ZC3H14: variants seen among roughly 807,000 people sequenced by gnomAD.
The protein encoded by ZC3H14 is zinc finger CCCH-type containing 14, also known as zinc finger CCCH domain-containing protein 14.
In ZC3H14, 31 loss-of-function variants were observed where a neutral mutation model predicts 92.4. That is an observed-to-expected ratio of 0.34 (90% CI 0.25 to 0.45). The LOEUF is 0.45. Among genes scored for constraint, ZC3H14 ranks in the 20% least tolerant of loss-of-function variants. The probability of loss-of-function intolerance (pLI) is 1.00; values close to 1 mark genes in which losing one functional copy is unlikely to be tolerated. For synonymous variants in ZC3H14, 321 were observed against 300.9 expected (o/e 1.07, Z -0.69); for missense variants, 781 against 897.3 (o/e 0.87, Z 1.66).
intron 9 of ZC3H14, among the ~76,000 whole-genome samples, chr14:88,579,669 AC>A (rs1325429340): frequency 3.9e-5 from 6 of 152,206 alleles, no homozygotes; most frequent in African/African-American, 1.4e-4. Flanking sequence ...CACAAAATCA[AC>A]AGAAGAAGGT....
rs754751435 is a variant in ZC3H14, at chr14:88,609,403, GGTGA to G, written c.2005+9_2005+12del. 56 of 1,613,834 alleles carry G rather than the reference GGTGA, an allele frequency of 3.5e-5. 1 individual carries two copies. In the Admixed American group the frequency reaches 3.7e-4, roughly 11 times the overall value. ...AATTCCAGTACTGTCTCCAAAACCA[GGTGA>G]GTGAGTGACTGTGCTACTACATTTG... On this transcript the variant is annotated splice_donor_variant and splice_donor_region_variant and intron_variant, in intron 14 of 16. Coordinates refer to ENST00000251038, the MANE Select transcript of ZC3H14 (RefSeq NM_024824.5). LOFTEE classifies it high-confidence loss of function.
At chr14:88,571,047 C>T (rs1292639159) in intron 3 of ZC3H14, 37 bp from the exon 4 acceptor site, 1 of 1,493,706 alleles carries the variant, frequency 6.7e-7, no homozygotes, top group Non-Finnish European at 9.0e-7. Flanking sequence ...TCTTTCTTAA[C>T]AGAAGGTTTA....
Position 88,612,583 on chromosome 14 carries a change from A to G in ZC3H14, c.*832A>G, listed in dbSNP as rs8008847. 145,202 of 152,720 alleles carry G rather than the reference A, an allele frequency of 0.95. 69,341 individuals are homozygous for G. Among genetic ancestry groups the G allele is most frequent in the Non-Finnish European group, 1 (67,735 of 68,046 alleles). 9.5% of individuals were successfully genotyped at this position (152,720 alleles called of 1,614,324 possible). A position where few individuals can be genotyped will look rare whatever the true frequency, so the allele number is the denominator to read the frequency against. On this transcript the variant is annotated 3_prime_UTR_variant, in exon 17 of 17. Transcript: ENST00000251038. ...GTCACAAGATTATAAATGTACATAT[A>G]TATTCTCACATTCTGAAAAATAACA... is the stretch of plus-strand genomic sequence containing the variant.
intron 9 of ZC3H14, among the ~76,000 whole-genome samples, chr14:88,579,337 T>G (rs181834109): frequency 5.3e-4 from 80 of 152,302 alleles, no homozygotes; most frequent in African/African-American, 1.9e-3. Flanking sequence ...AAGACCTGTT[T>G]GGTCCCCAAA....
intron 8 of ZC3H14, 121 bp from the exon 9 acceptor site, chr14:88,577,864 C>T (rs532185099): frequency 2.1e-4 from 282 of 1,327,224 alleles, no homozygotes; most frequent in Admixed American, 2.6e-4. Flanking sequence ...CCACTGCGCC[C>T]AGCCTGAACT....
At chr14:88,576,008 A>G in intron 8 of ZC3H14, 68 bp downstream of exon 8, 1 of 1,335,510 alleles carries the variant, frequency 7.5e-7, no homozygotes, top group Non-Finnish European at 1.1e-6. Context: ...GGTGAAAATG[A>G]TTGCTCCTTA....
Position 88,616,328 on chromosome 14 carries a change from A to AGAGCTGTG in ZC3H14, c.*4581_*4588dup. The AGAGCTGTG allele has an allele frequency of 7.8e-7, 1 of 1,275,328 alleles. No individual in the cohort carries two copies. Among genetic ancestry groups the AGAGCTGTG allele is most frequent in the Non-Finnish European group, 1.1e-6 (1 of 878,334 alleles). 79.0% of individuals were successfully genotyped at this position (1,275,328 alleles called of 1,614,324 possible). A position where few individuals can be genotyped will look rare whatever the true frequency, so the allele number is the denominator to read the frequency against. Reference sequence around the variant, plus strand: ...ATTAGGAACTATAATCTCTATGACAAGAGCTGTGGAGAGAGTAGGGAGTTA... The same window carrying AGAGCTGTG: ...ATTAGGAACTATAATCTCTATGACAAGAGCTGTGGAGCTGTGGAGAGAGTAGGGAGTTA... On this transcript the variant is annotated 3_prime_UTR_variant, in exon 17 of 17. Coordinates refer to ENST00000251038, the MANE Select transcript of ZC3H14 (RefSeq NM_024824.5).
In ZC3H14 at chr14:88,607,471, A is replaced by G. The variant is rs939961541; in HGVS notation, c.1868+108A>G. The stretch of plus-strand genomic sequence containing the variant: ...TGGCAAGTACCATCCCATCTCACCC[A>G]GCAAGTACCATCCCCCACATCTCAA... On this transcript the variant is annotated intron_variant, in intron 13 of 16. Transcript: ENST00000251038. 20 of 1,164,854 alleles carry G rather than the reference A, an allele frequency of 1.7e-5. No homozygotes were observed. In the Admixed American group the frequency reaches 2.4e-4, roughly 14 times the overall value. 72.2% of individuals were successfully genotyped at this position (1,164,854 alleles called of 1,614,324 possible).
At chr14:88,573,076 A>C in intron 6 of ZC3H14, 69 bp downstream of exon 6, 2 of 1,544,528 alleles carry the variant, frequency 1.3e-6, no homozygotes, top group Non-Finnish European at 1.8e-6. Flanking sequence ...ATAATATATG[A>C]AGTAACTAAA....
rs1400639266 is a variant in ZC3H14, at chr14:88,572,593, T to A, written c.447T>A (p.Asp149Glu). The A allele has an allele frequency of 6.2e-7, 1 of 1,614,198 alleles. No homozygotes were observed. The highest frequency in any genetic ancestry group is 8.5e-7 in the Non-Finnish European group (1 of 1,180,040). The change falls in exon 6 of 17, where the codon GAT becomes GAA. Residue 149 changes from aspartate (D) to glutamate (E), a missense_variant. This residue lies in a region of ZC3H14 where 454 missense variants were observed against 438.5 expected (regional missense o/e 1.04). Coordinates refer to ENST00000251038, the MANE Select transcript of ZC3H14 (RefSeq NM_024824.5). ...KTTNVRQTYD[D>E]GAATRLMSTV... Reference sequence around the variant, plus strand: ...TTTTAAATAGACAGACTTACGATGATGGAGCTGCAACCCGACTAATGTCAA... The same window carrying A: ...TTTTAAATAGACAGACTTACGATGAAGGAGCTGCAACCCGACTAATGTCAA...
At position 88,618,487 on chromosome 14, in the gene ZC3H14, C is replaced by T; in HGVS notation, c.*6736C>T. ...CTACAAAAACTTAATAGGAGAAAAG[C>T]TCTGATAAGTGGGGGAGGAAAGGGG... On this transcript the variant is annotated 3_prime_UTR_variant, in exon 17 of 17. Transcript: ENST00000251038. The T allele has an allele frequency of 9.2e-7, 1 of 1,083,714 alleles. No homozygotes were observed. The highest frequency in any genetic ancestry group is 1.3e-6 in the Non-Finnish European group (1 of 757,592). 67.1% of individuals were successfully genotyped at this position (1,083,714 alleles called of 1,614,324 possible). A position where few individuals can be genotyped will look rare whatever the true frequency, so the allele number is the denominator to read the frequency against.
rs547939254 is a variant in ZC3H14, at chr14:88,563,428, C to G, written c.37-223C>G. The G allele has an allele frequency of 5.8e-4, 833 of 1,426,562 alleles. 6 individuals carry two copies. In the African/African-American group the frequency reaches 0.01, roughly 18 times the overall value. 88.4% of individuals were successfully genotyped at this position (1,426,562 alleles called of 1,614,324 possible). A position where few individuals can be genotyped will look rare whatever the true frequency, so the allele number is the denominator to read the frequency against. ...CGGCTGGAGCCACCACCGCGGCGCACGGCGCCGCTTTGGATCCGCTGCGGG... is the reference window on the plus strand; with the variant it reads ...CGGCTGGAGCCACCACCGCGGCGCAGGGCGCCGCTTTGGATCCGCTGCGGG... On this transcript the variant is annotated intron_variant, in intron 1 of 16. Coordinates refer to ENST00000251038, the MANE Select transcript of ZC3H14 (RefSeq NM_024824.5).
At chr14:88,566,230 G>T (rs1482184207) in intron 2 of ZC3H14, among the ~76,000 whole-genome samples, 1 of 151,578 alleles carries the variant, frequency 6.6e-6, no homozygotes, top group African/African-American at 2.4e-5. Context: ...AATATAATTG[G>T]ATTTGTGATT....
At chr14:88,564,342 G>T (rs1252736001) in intron 2 of ZC3H14, among the ~76,000 whole-genome samples, 15 of 152,232 alleles carry the variant, frequency 9.9e-5, no homozygotes, top group Non-Finnish European at 1.5e-4. Context: ...CTTAACTATT[G>T]TATATGTATT....
At chr14:88,564,653 A>G (rs2079333899) in intron 2 of ZC3H14, among the ~76,000 whole-genome samples, 1 of 152,228 alleles carries the variant, frequency 6.6e-6, no homozygotes, top group Non-Finnish European at 1.5e-5. Context: ...ACTTGTCAGC[A>G]TAGTAACACC....
At chr14:88,565,173 C>A (rs2079403865) in intron 2 of ZC3H14, among the ~76,000 whole-genome samples, 1 of 152,060 alleles carries the variant, frequency 6.6e-6, no homozygotes, top group African/African-American at 2.4e-5. Context: ...GATGGAATTT[C>A]ACTCGTTGCC....
intron 9 of ZC3H14, chr14:88,590,596 G>A (rs1280823944): frequency 2.0e-5 from 3 of 152,146 alleles, no homozygotes; most frequent in Non-Finnish European, 4.4e-5. Flanking sequence ...TCCCCATAAC[G>A]TTTGTCACCA....
intron 12 of ZC3H14, among the ~76,000 whole-genome samples, chr14:88,603,508 C>T (rs2084925161): frequency 6.6e-6 from 1 of 152,186 alleles, no homozygotes; most frequent in Admixed American, 6.5e-5. Context: ...CTATCAAGAT[C>T]TTGGAACTGT....
intron 6 of ZC3H14, 58 bp downstream of exon 6, chr14:88,573,065 A>G: frequency 1.9e-6 from 3 of 1,572,232 alleles, no homozygotes; most frequent in Non-Finnish European, 2.6e-6. Context: ...CTTGATACCA[A>G]ATAATATATG....
Sources: gnomAD v4.1 joint callset for allele counts (sites outside exome capture counted in the v4.1 genomes callset) on GRCh38, gnomAD v4.1.1 for gene constraint, gnomAD v4.1.1 regional missense constraint, MANE v1.5 for transcripts, NCBI Gene and HGNC (gene_info 2026-07-23, HGNC 2026-07-21) for gene names.